The following SGTB variants were observed in gnomAD, a reference collection of about 807,000 sequenced individuals.
SGTB encodes the protein small glutamine rich tetratricopeptide repeat co-chaperone beta, also known as small glutamine-rich tetratricopeptide repeat-containing protein beta.
In SGTB, 19 loss-of-function variants were observed where a neutral mutation model predicts 43.9. That is an observed-to-expected ratio of 0.43 (90% CI 0.30 to 0.63). The LOEUF is 0.63. Ranked by LOEUF, SGTB falls within the 30% of genes least tolerant of loss-of-function variation. The pLI, the probability that SGTB is intolerant of heterozygous loss-of-function variation, is 0.12. For synonymous variants in SGTB, 116 were observed against 117.3 expected, an observed-to-expected ratio of 0.99 and a Z score of 0.07; for missense variants, 304 against 358.9, an observed-to-expected ratio of 0.85 and a Z score of 1.24.
intron 10 of SGTB, among the ~76,000 whole-genome samples, chr5:65,671,343 C>A (rs1170580931): frequency 6.6e-6 from 1 of 152,136 alleles, no homozygotes; most frequent in African/African-American, 2.4e-5. Flanking sequence ...TTGGGACCCT[C>A]TGTAAGCAGA....
At chr5:65,701,839 T>A (rs973651736) in intron 5 of SGTB, among the ~76,000 whole-genome samples, 1 of 152,168 alleles carries the variant, frequency 6.6e-6, no homozygotes, top group Non-Finnish European at 1.5e-5. Flanking sequence ...TTCACTGTGT[T>A]AGCCAGGATG....
chr5:65,706,858 A>C (rs1757942666), intron 4 of SGTB, among the ~76,000 whole-genome samples: 1 of 152,010 alleles, frequency 6.6e-6, no homozygotes, highest in African/African-American at 2.4e-5. Context: ...AGCAAAAATA[A>C]ATATTGACAA....
intron 8 of SGTB, among the ~76,000 whole-genome samples, chr5:65,676,889 A>C (rs1757276511): frequency 6.6e-6 from 1 of 152,102 alleles, no homozygotes; most frequent in South Asian, 2.1e-4. Context: ...TCTCCAGTTG[A>C]CAACCTAATA....
intron 4 of SGTB, 37 bp from the exon 5 acceptor site, chr5:65,704,415 T>C (rs1257714272): frequency 6.9e-7 from 1 of 1,459,678 alleles, no homozygotes. Flanking sequence ...GTAAGTATAA[T>C]ATACATTAAA....
intron 6 of SGTB, among the ~76,000 whole-genome samples, chr5:65,683,133 C>T (rs1757431179): frequency 6.6e-6 from 1 of 151,674 alleles, no homozygotes; most frequent in Non-Finnish European, 1.5e-5. Flanking sequence ...AGTCCTCTTG[C>T]ACTTAGGAAT....
chr5:65,688,675 A>C (rs1458204820), intron 5 of SGTB, among the ~76,000 whole-genome samples: 1 of 152,218 alleles, frequency 6.6e-6, no homozygotes, highest in East Asian at 1.9e-4. Context: ...CTCTATACAT[A>C]ATACATAGGA....
intron 4 of SGTB, 54 bp from the exon 5 acceptor site, chr5:65,704,432 C>A: frequency 7.6e-7 from 1 of 1,320,832 alleles, no homozygotes; most frequent in Admixed American, 1.9e-5. Flanking sequence ...TAAAAACATA[C>A]ACTCTTATAG....
intron 5 of SGTB, among the ~76,000 whole-genome samples, chr5:65,698,137 G>A (rs915141905): frequency 1.3e-5 from 2 of 152,126 alleles, no homozygotes; most frequent in Non-Finnish European, 2.9e-5. Flanking sequence ...GCCTGGCTAG[G>A]ATGGTAATTT....
chr5:65,678,864 T>C lies in SGTB; in HGVS notation c.681+1630A>G, dbSNP rs572120128. ...ATCAACTCAAGATGGATTAAAGACT[T>C]AAATGTGCAACTCAAAACTATAAGA... is the stretch of plus-strand genomic sequence containing the variant. On this transcript the variant is annotated intron_variant, in intron 8 of 10. Transcript: ENST00000381007. Among the ~76,000 whole-genome samples, 44 of 152,274 alleles carry C rather than the reference T, an allele frequency of 2.9e-4. No individual in the cohort carries two copies. In the South Asian group the frequency reaches 8.5e-3, roughly 29 times the overall value.
intron 6 of SGTB, among the ~76,000 whole-genome samples, chr5:65,684,890 G>C (rs139185505): frequency 6.6e-6 from 1 of 152,274 alleles, no homozygotes; most frequent in African/African-American, 2.4e-5. Context: ...AGGGCATTCT[G>C]TGTAGATACA....
At chr5:65,676,338 G>A (rs1757264685) in intron 8 of SGTB, among the ~76,000 whole-genome samples, 1 of 151,746 alleles carries the variant, frequency 6.6e-6, no homozygotes. Context: ...AAAAGACAAA[G>A]AAGGGCATTA....
chr5:65,705,437 AGTG>A (rs1757911514), intron 4 of SGTB, among the ~76,000 whole-genome samples: 2 of 152,144 alleles, frequency 1.3e-5, no homozygotes, highest in Admixed American at 1.3e-4. Flanking sequence ...TGGGTGACAG[AGTG>A]AAACCCTGTC....
chr5:65,676,647 G>A (rs1027946283), intron 8 of SGTB, among the ~76,000 whole-genome samples: 2 of 151,568 alleles, frequency 1.3e-5, no homozygotes, highest in Non-Finnish European at 3.0e-5. Context: ...ATCACCACAT[G>A]GCACTCAATT....
At chr5:65,717,280 T>C (rs1018186608) in intron 2 of SGTB, among the ~76,000 whole-genome samples, 4 of 152,162 alleles carry the variant, frequency 2.6e-5, no homozygotes, top group Non-Finnish European at 4.4e-5. Context: ...ATGGTTTTGC[T>C]GCAAAGGGAG....
chr5:65,722,650 C>G (rs987888932), upstream of SGTB: 22 of 518,276 alleles, frequency 4.2e-5, no homozygotes, highest in Middle Eastern at 5.1e-4. Context: ...TTTGGGACTG[C>G]CTCAGCCGCA....
intron 4 of SGTB, among the ~76,000 whole-genome samples, chr5:65,706,646 A>G (rs1757938242): frequency 6.6e-6 from 1 of 152,156 alleles, no homozygotes; most frequent in Non-Finnish European, 1.5e-5. Context: ...AGCCTGGCCA[A>G]CATAGTGAAA....
At chr5:65,721,433 C>A (rs1408367662) in intron 1 of SGTB, among the ~76,000 whole-genome samples, 1 of 152,190 alleles carries the variant, frequency 6.6e-6, no homozygotes, top group Non-Finnish European at 1.5e-5. Flanking sequence ...GCGCTCCCTG[C>A]AGAGGCTGTG....
Position 65,680,476 on chromosome 5 carries a change from A to C in SGTB, c.681+18T>G. 1.2e-6 allele frequency: 2 copies of C among 1,606,700 alleles called. No individual in the cohort carries two copies. Among genetic ancestry groups the C allele is most frequent in the Non-Finnish European group, 1.7e-6 (2 of 1,179,706 alleles). The stretch of plus-strand genomic sequence containing the variant: ...TGGAAAACATAGCCAGTAGAGGCAG[A>C]AAAGAAAGTATACTCACCATACTAA... On this transcript the variant is annotated intron_variant, in intron 8 of 10. Coordinates refer to ENST00000381007, the MANE Select transcript of SGTB (RefSeq NM_019072.3).
At chr5:65,671,223 G>A (rs1358460632) in intron 10 of SGTB, among the ~76,000 whole-genome samples, 1 of 151,948 alleles carries the variant, frequency 6.6e-6, no homozygotes, top group Non-Finnish European at 1.5e-5. Flanking sequence ...ATCTTCATTG[G>A]GAAAAAATGG....
Sources: gnomAD v4.1 joint callset for allele counts (sites outside exome capture counted in the v4.1 genomes callset) on GRCh38, gnomAD v4.1.1 for gene constraint, MANE v1.5 for transcripts, NCBI Gene and HGNC (gene_info 2026-07-23, HGNC 2026-07-21) for gene names.